SPATA6L: variants seen among roughly 807,000 people sequenced by gnomAD.
The protein encoded by SPATA6L is spermatogenesis associated 6-like protein.
In SPATA6L, 68 loss-of-function variants were observed where a neutral mutation model predicts 49.2. The ratio of observed to expected loss-of-function variants is 1.38; its 90% CI spans 1.14 to 1.69. The LOEUF (loss-of-function observed/expected upper bound fraction) is 1.69. Among genes scored for constraint, SPATA6L ranks in the 40% most tolerant of loss-of-function variants. The pLI, the probability that SPATA6L is intolerant of heterozygous loss-of-function variation, is 0.00. For synonymous variants in SPATA6L, 198 were observed against 165.7 expected, an observed-to-expected ratio of 1.19 and a Z score of -1.50; for missense variants, 668 against 464.3, an observed-to-expected ratio of 1.44 and a Z score of -4.03.
rs756126503 is a variant in SPATA6L at position 4,603,781 on chromosome 9, C to T, written c.*1+398G>A. On this transcript the variant is annotated intron_variant, in intron 11 of 11. Coordinates refer to ENST00000682582, the MANE Select transcript of SPATA6L (RefSeq NM_001353486.2). ...TACACATCACAGAGAGAGGGAGTGT[C>T]GTGTCATAGAAAATCATAAGCCTGG... Among the ~76,000 whole-genome samples the T allele has an allele frequency of 1.2e-4, 18 of 152,194 alleles. No homozygotes were observed. The Middle Eastern group carries it at 0.01, about 87-fold the overall frequency.
chr9:4,662,913 G>A lies in SPATA6L; in HGVS notation c.40-877C>T. 1.9e-6 allele frequency: 3 copies of A among 1,609,798 alleles called. No individual in the cohort carries two copies. Among genetic ancestry groups the A allele is most frequent in the Non-Finnish European group, 2.5e-6 (3 of 1,179,982 alleles). ...CGCCCTGCTGTTGGACCTGCTGCTGGTGGCCTTGATCAAAGGGCTGGTCCG... is the reference window on the plus strand; with the variant it reads ...CGCCCTGCTGTTGGACCTGCTGCTGATGGCCTTGATCAAAGGGCTGGTCCG... On this transcript the variant is annotated intron_variant, in intron 1 of 11. Transcript: ENST00000682582. This position sits in a 1 kb window ranked among gnomAD's most constrained non-coding sequence, Gnocchi z 4.9.
Position 4,635,321 on chromosome 9 carries a change from G to C in SPATA6L, c.305C>G (p.Pro102Arg), listed in dbSNP as rs371979439. 2 of 1,586,056 alleles carry C rather than the reference G, an allele frequency of 1.3e-6. No homozygotes were observed. The highest frequency in any genetic ancestry group is 2.8e-5 in the African/African-American group (2 of 72,520). ...FPEPKLTPSH[P>R]RRCREVLMKT... ...CATGAGCACCTCCCTACACCTCCTAGGGTGCGAAGGTGTCAGCTTGGGCTC... is the reference window on the plus strand; with the variant it reads ...CATGAGCACCTCCCTACACCTCCTACGGTGCGAAGGTGTCAGCTTGGGCTC... Residue 102 changes from proline (P) to arginine (R), a missense_variant, in exon 4 of 12, where the codon CCT (proline) becomes CGT (arginine). Physicochemically the swap from Pro to Arg is moderately radical, Grantham distance 103. Coordinates refer to ENST00000682582, the MANE Select transcript of SPATA6L (RefSeq NM_001353486.2).
chr9:4,590,544 C>A (rs183624696), intron 13 of SPATA6L, among the ~76,000 whole-genome samples: 50 of 152,244 alleles, frequency 3.3e-4, no homozygotes, highest in African/African-American at 1.2e-3. Context: ...TATGAGTAAA[C>A]CCCCAAAAGA....
At chr9:4,657,164 C>T (rs1838468571) in intron 2 of SPATA6L, among the ~76,000 whole-genome samples, 2 of 151,926 alleles carry the variant, frequency 1.3e-5, no homozygotes, top group Non-Finnish European at 2.9e-5. Flanking sequence ...TTCAGCAGAG[C>T]TTGATTTCAG....
intron 5 of SPATA6L, chr9:4,626,750 T>C: frequency 8.8e-6 from 3 of 339,256 alleles, no homozygotes; most frequent in South Asian, 8.0e-5. Context: ...GGAAAATGAA[T>C]GGCCAGACAG....
intron 5 of SPATA6L, chr9:4,626,785 A>AG: frequency 3.9e-6 from 1 of 257,124 alleles, no homozygotes; most frequent in Non-Finnish European, 7.9e-6. Context: ...ATACAATGGA[A>AG]TACTATGAAG....
intron 5 of SPATA6L, 155 bp downstream of exon 5, chr9:4,628,934 AGT>A: frequency 1.6e-6 from 1 of 610,688 alleles, no homozygotes; most frequent in Non-Finnish European, 2.9e-6. Context: ...CTGAGCAAAC[AGT>A]TTGAATTATA....
At chr9:4,636,940 T>A (rs149093977) in intron 3 of SPATA6L, among the ~76,000 whole-genome samples, 1 of 152,288 alleles carries the variant, frequency 6.6e-6, no homozygotes, top group African/African-American at 2.4e-5. Flanking sequence ...GTAGTTGATC[T>A]CCCTGCCTCC....
intron 3 of SPATA6L, among the ~76,000 whole-genome samples, chr9:4,636,112 C>CTTTT (rs143583775): frequency 0.015 from 2,253 of 148,218 alleles, 50 homozygotes; most frequent in African/African-American, 0.053. Context: ...AACACAAAGC[C>CTTTT]TTTTTTTTTT....
intron 13 of SPATA6L, among the ~76,000 whole-genome samples, chr9:4,591,418 C>A (rs1821891544): frequency 2.0e-5 from 3 of 152,196 alleles, no homozygotes; most frequent in Admixed American, 2.0e-4. Context: ...CCGAGGTTAT[C>A]CTGTCCGGGT....
chr9:4,626,987 T>A (rs983958824), intron 5 of SPATA6L: 1 of 91,432 alleles, frequency 1.1e-5, no homozygotes, highest in Non-Finnish European at 1.8e-5. Flanking sequence ...AATGAGACAG[T>A]TTTTTTTAAG....
chr9:4,626,336 C>G, intron 5 of SPATA6L: 4 of 1,238,308 alleles, frequency 3.2e-6, no homozygotes, highest in Non-Finnish European at 4.2e-6. Flanking sequence ...GAGTCTAGAC[C>G]CACAGGAACC....
At position 4,662,662 on chromosome 9, in the gene SPATA6L, C is replaced by T. The variant is rs1161876100; in HGVS notation, c.40-626G>A. On this transcript the variant is annotated intron_variant, in intron 1 of 11. Transcript: ENST00000682582. The surrounding 1 kb of genome is among the most constrained non-coding windows in gnomAD (Gnocchi z 4.9). Reference sequence around the variant, plus strand: ...GAGGAGGACCGCATGGACTTGAACCCGTCCTTCCTGGGCATCGCCCTGCGC... The same window carrying T: ...GAGGAGGACCGCATGGACTTGAACCTGTCCTTCCTGGGCATCGCCCTGCGC... 6.2e-7 allele frequency: 1 copy of T among 1,600,038 alleles called. No individual in the cohort carries two copies. The highest frequency in any genetic ancestry group is 8.5e-7 in the Non-Finnish European group (1 of 1,179,840).
intron 9 of SPATA6L, chr9:4,617,291 C>G (rs920277431): frequency 6.6e-6 from 1 of 152,112 alleles, no homozygotes; most frequent in Non-Finnish European, 1.5e-5. Flanking sequence ...GCCACTTCCC[C>G]GAAGTTAAAG....
intron 7 of SPATA6L, among the ~76,000 whole-genome samples, chr9:4,620,670 T>C (rs763116440): frequency 1.3e-5 from 2 of 152,150 alleles, no homozygotes; most frequent in Non-Finnish European, 2.9e-5. Flanking sequence ...TAAATGTAGG[T>C]ATGCCAAAAA....
intron 3 of SPATA6L, among the ~76,000 whole-genome samples, chr9:4,645,688 C>T (rs1313763461): frequency 6.6e-6 from 1 of 152,150 alleles, no homozygotes; most frequent in African/African-American, 2.4e-5. Flanking sequence ...CTGATACATG[C>T]TACAACATGG....
At chr9:4,619,350 G>T (rs1428351827) in intron 7 of SPATA6L, among the ~76,000 whole-genome samples, 1 of 151,812 alleles carries the variant, frequency 6.6e-6, no homozygotes, top group African/African-American at 2.4e-5. Context: ...TAGAAATGGG[G>T]TTTCACTACG....
chr9:4,595,409 C>T (rs114770312), downstream of SPATA6L, among the ~76,000 whole-genome samples: 2,297 of 152,244 alleles, frequency 0.015, 30 homozygotes, highest in African/African-American at 0.038. Context: ...GTCTCCCCAC[C>T]GCCAGCCTCT....
At chr9:4,658,780 C>G (rs1473547369) in intron 2 of SPATA6L, among the ~76,000 whole-genome samples, 2 of 151,928 alleles carry the variant, frequency 1.3e-5, no homozygotes, top group African/African-American at 4.8e-5. Context: ...TCATTTGAGG[C>G]CAGGAGTTTG....
Sources: allele counts gnomAD v4.1 joint callset (sites outside exome capture counted in the v4.1 genomes callset), GRCh38; gene constraint gnomAD v4.1.1; non-coding constraint Gnocchi (gnomAD v3.1); transcripts MANE v1.5; gene names NCBI Gene and HGNC (gene_info 2026-07-23, HGNC 2026-07-21).